The following DYSF variants were observed in gnomAD, a reference collection of about 807,000 sequenced individuals.
The protein encoded by DYSF is dysferlin.
A neutral mutation model predicts 274.9 loss-of-function variants in DYSF; 212 were observed. That is an observed-to-expected ratio of 0.77 (90% CI 0.69 to 0.86). The LOEUF (loss-of-function observed/expected upper bound fraction) is 0.86. Ranked by LOEUF, DYSF falls within the 40% of genes least tolerant of loss-of-function variation. The probability of loss-of-function intolerance (pLI) is 0.00; values close to 1 mark genes in which losing one functional copy is unlikely to be tolerated. For synonymous variants in DYSF, 1,091 were observed against 1,078.7 expected, an observed-to-expected ratio of 1.01 and a Z score of -0.22; for missense variants, 2,666 against 2,783.2, an observed-to-expected ratio of 0.96 and a Z score of 0.95.
intron 17 of DYSF, among the ~76,000 whole-genome samples, chr2:71,548,036 T>A (rs1051358381): frequency 2.0e-5 from 3 of 152,246 alleles, no homozygotes; most frequent in African/African-American, 7.2e-5. Flanking sequence ...GCCCTCTCGC[T>A]GTTGCAGAAA....
Position 71,513,255 on chromosome 2 carries a change from G to A in DYSF, c.476G>A (p.Arg159Gln), listed in dbSNP as rs1419477197. The A allele has an allele frequency of 1.5e-5, 24 of 1,551,470 alleles. No individual in the cohort carries two copies. Among genetic ancestry groups the A allele is most frequent in the African/African-American group, 2.7e-5 (2 of 73,018 alleles). The change falls in exon 6 of 56, where the codon CGG (arginine) becomes CAG (glutamine). Residue 159 changes from arginine to glutamine, a missense_variant. Arg to Gln is a conservative substitution (Grantham distance 43, BLOSUM62 1). Transcript: ENST00000410020. ...CACAAGACAGGCGGGGGACAGAGCC[G>A]GGCCGAGACTTGGTCCCTGCTCAGT... ...LDVVAGGGQS[R>Q]AETWSLLSDS... is the part of the protein sequence containing the mutation.
At chr2:71,455,171 C>T (rs1044679515) in intron 1 of DYSF, among the ~76,000 whole-genome samples, 1 of 152,180 alleles carries the variant, frequency 6.6e-6, no homozygotes. Flanking sequence ...ACATGCACAC[C>T]CTGGAGCGTG....
intron 47 of DYSF, among the ~76,000 whole-genome samples, chr2:71,667,146 T>C (rs1432224198): frequency 6.6e-6 from 1 of 152,164 alleles, no homozygotes; most frequent in African/African-American, 2.4e-5. Context: ...GTAGAAATGA[T>C]GGCAATGGGG....
chr2:71,618,151 G>GGC (rs2093958878), intron 40 of DYSF, among the ~76,000 whole-genome samples: 2 of 24,386 alleles, frequency 8.2e-5, no homozygotes, highest in Admixed American at 6.0e-4. Flanking sequence ...TGGTAGAGGT[G>GGC]GTGTGTGTGT....
chr2:71,601,160 C>A, intron 34 of DYSF: 1 of 587,104 alleles, frequency 1.7e-6, no homozygotes, highest in East Asian at 2.9e-5. Context: ...AGGGCAGGAT[C>A]CCCGTTGCAT....
intron 1 of DYSF, among the ~76,000 whole-genome samples, chr2:71,468,524 G>A (rs996659588): frequency 5.9e-5 from 9 of 152,208 alleles, no homozygotes; most frequent in East Asian, 5.8e-4. Flanking sequence ...CAAGTACCCC[G>A]AACACGTGCA....
At position 71,515,645 on chromosome 2, in the gene DYSF, G is replaced by A; in HGVS notation, c.782G>A (p.Gly261Glu). 6.2e-7 allele frequency: 1 copy of A among 1,613,932 alleles called. No individual in the cohort carries two copies. Among genetic ancestry groups the A allele is most frequent in the Non-Finnish European group, 8.5e-7 (1 of 1,179,922 alleles). ...DFQIRVQVIE[G>E]RQLPGVNIKP... is the part of the protein sequence containing the mutation. Reference sequence around the variant, plus strand: ...CAGATCAGGGTCCAGGTGATCGAGGGGCGCCAGCTGCCGGGGGTGAACATC... The same window carrying A: ...CAGATCAGGGTCCAGGTGATCGAGGAGCGCCAGCTGCCGGGGGTGAACATC... The change falls in exon 8 of 56, where the codon GGG (glycine) becomes GAG (glutamate). Residue 261 changes from glycine to glutamate, a missense_variant. By Grantham distance (98) the Gly-to-Glu change is moderately conservative. This residue lies in a region of DYSF where 794 missense variants were observed against 777.1 expected (regional missense o/e 1.02). Transcript: ENST00000410020.
At chr2:71,456,733 G>T (rs2081080865) in intron 1 of DYSF, among the ~76,000 whole-genome samples, 1 of 152,170 alleles carries the variant, frequency 6.6e-6, no homozygotes, top group Admixed American at 6.5e-5. Flanking sequence ...GCCCAGAGAA[G>T]TGAAGGAGCC....
At chr2:71,539,019 C>A in intron 16 of DYSF, 138 bp from the exon 17 acceptor site, 1 of 751,082 alleles carries the variant, frequency 1.3e-6, no homozygotes, top group Non-Finnish European at 2.4e-6. Flanking sequence ...CAGTAACATA[C>A]CAAAGTGAAG....
intron 42 of DYSF, among the ~76,000 whole-genome samples, chr2:71,653,663 G>A (rs2094709487): frequency 1.8e-5 from 2 of 109,026 alleles, no homozygotes; most frequent in African/African-American, 3.5e-5. Context: ...CCTGTTGTGG[G>A]GTGGGGGGAG....
chr2:71,548,568 G>A (rs1301640443), intron 17 of DYSF, among the ~76,000 whole-genome samples: 4 of 116,580 alleles, frequency 3.4e-5, no homozygotes, highest in Admixed American at 8.7e-5. Flanking sequence ...TTGGCGCATC[G>A]CATACCTGCC....
At chr2:71,540,867 T>C (rs1358669796) in intron 17 of DYSF, among the ~76,000 whole-genome samples, 1 of 152,140 alleles carries the variant, frequency 6.6e-6, no homozygotes, top group Non-Finnish European at 1.5e-5. Flanking sequence ...AATTAATAGT[T>C]TTTGACCTAT....
At position 71,511,864 on chromosome 2, in the gene DYSF, C is replaced by T; in HGVS notation, c.403C>T (p.Pro135Ser). ...GCTGCCTGGAGCTGTGCCCCTGTTCCCGCCCCCTACTCCTCTGGAGCCCTC... is the reference window on the plus strand; with the variant it reads ...GCTGCCTGGAGCTGTGCCCCTGTTCTCGCCCCCTACTCCTCTGGAGCCCTC... ...TPLPGAVPLF[P>S]PPTPLEPSPT... is the part of the protein sequence containing the mutation. Residue 135 changes from proline to serine, a missense_variant, in exon 5 of 56, where the codon CCG becomes TCG. This residue lies in a region of DYSF where 794 missense variants were observed against 777.1 expected (regional missense o/e 1.02). Coordinates refer to ENST00000410020, the MANE Select transcript of DYSF (RefSeq NM_001130987.2). 1.9e-6 allele frequency: 3 copies of T among 1,551,720 alleles called. No homozygotes were observed. Among genetic ancestry groups the T allele is most frequent in the Non-Finnish European group, 2.6e-6 (3 of 1,146,996 alleles).
At position 71,682,531 on chromosome 2, in the gene DYSF, C is replaced by T. The variant is rs370286628; in HGVS notation, c.6175C>T (p.Arg2059Cys). The T allele has an allele frequency of 5.6e-5, 91 of 1,613,960 alleles. No homozygotes were observed. The highest frequency in any genetic ancestry group is 1.6e-4 in the Middle Eastern group (1 of 6,084). ...TGACCTCCGGGATCTCGCTTCCAGG[C>T]GCCCCGACACCTCCTTCCTGTGGTT... ...NMNPKLEDPR[R>C]PDTSFLWFTS... is the part of the protein sequence containing the mutation. Residue 2059 changes from arginine to cysteine, a missense_variant and splice_region_variant, in exon 55 of 56, where the codon CGC becomes TGC. This residue lies in a region of DYSF where 1,460 missense variants were observed against 1,502.1 expected (regional missense o/e 0.97). Transcript: ENST00000410020.
Position 71,611,467 on chromosome 2 carries a change from C to A in DYSF, c.4062C>A (p.Ile1354=), listed in dbSNP as rs2303606. The change falls in exon 38 of 56, where the codon ATC becomes ATA. Residue 1354 remains isoleucine, a splice_region_variant and synonymous_variant. Coordinates refer to ENST00000410020, the MANE Select transcript of DYSF (RefSeq NM_001130987.2). ...CTCTCCTCATTCTGTGTGCTTAGAT[C>A]CTGGCATGGGGCCTGCGGAACATGA... ...KPALQRTAIE[I]LAWGLRNMKS... The A allele has an allele frequency of 0.5, 808,434 of 1,613,814 alleles. 203,854 individuals carry two copies. Among genetic ancestry groups the A allele is most frequent in the Admixed American group, 0.53 (31,869 of 60,016 alleles).
chr2:71,463,206 G>A (rs917091815), upstream of DYSF, among the ~76,000 whole-genome samples: 1 of 152,248 alleles, frequency 6.6e-6, no homozygotes, highest in Non-Finnish European at 1.5e-5. Context: ...GGGGGTTGAG[G>A]CAGCAGGGGG....
Position 71,526,332 on chromosome 2 carries a change from A to C in DYSF, c.1262A>C (p.Glu421Ala). Residue 421 changes from glutamate (E) to alanine (A), a missense_variant, in exon 13 of 56, where the codon GAG becomes GCG. This residue lies in a region of DYSF where 794 missense variants were observed against 777.1 expected (regional missense o/e 1.02). Coordinates refer to ENST00000410020, the MANE Select transcript of DYSF (RefSeq NM_001130987.2). Reference sequence around the variant, plus strand: ...TTCTGCCTGAAGGTCTTCCGGGCCGAGGACTTGCCGCAGAGTGCGTGGGGC... The same window carrying C: ...TTCTGCCTGAAGGTCTTCCGGGCCGCGGACTTGCCGCAGAGTGCGTGGGGC... ...AHFCLKVFRA[E>A]DLPQMDDAVM... 2 of 1,479,622 alleles carry C rather than the reference A, an allele frequency of 1.4e-6. No individual in the cohort carries two copies. The highest frequency in any genetic ancestry group is 1.9e-4 in the Middle Eastern group (1 of 5,380). The allele number at this position is 1,479,622 out of a possible 1,614,324, so 91.7% of individuals were successfully genotyped here.
chr2:71,610,598 G>A (rs930689833), intron 36 of DYSF, among the ~76,000 whole-genome samples: 1 of 152,194 alleles, frequency 6.6e-6, no homozygotes, highest in African/African-American at 2.4e-5. Context: ...GCTCGTCTCT[G>A]TAGTGGAGAG....
At chr2:71,660,079 C>T (rs1355326886) in intron 44 of DYSF, among the ~76,000 whole-genome samples, 1 of 152,212 alleles carries the variant, frequency 6.6e-6, no homozygotes, top group African/African-American at 2.4e-5. Flanking sequence ...CTAGACTAAC[C>T]CTGGGCACTC....
Sources: allele counts gnomAD v4.1 joint callset (sites outside exome capture counted in the v4.1 genomes callset), GRCh38; gene constraint gnomAD v4.1.1; regional missense constraint gnomAD v4.1.1; transcripts MANE v1.5; gene names NCBI Gene and HGNC (gene_info 2026-07-23, HGNC 2026-07-21).